Variants in MOXD1 observed in about 807,000 individuals in gnomAD.
MOXD1 encodes the protein DBH-like monooxygenase protein 1.
In MOXD1, 62 loss-of-function variants were observed where a neutral mutation model predicts 66.6. That is an observed-to-expected ratio of 0.93 (90% CI 0.76 to 1.15). The LOEUF is 1.15. MOXD1 is among the 50% of genes most tolerant of loss of function. The pLI, the probability that MOXD1 is intolerant of heterozygous loss-of-function variation, is 0.00. For missense variants in MOXD1, 847 were observed against 754.6 expected (o/e 1.12, Z -1.44); for synonymous variants, 303 against 281.9 (o/e 1.07, Z -0.75).
At chr6:132,353,280 G>GTA (rs985444306) in intron 4 of MOXD1, among the ~76,000 whole-genome samples, 15 of 152,084 alleles carry the variant, frequency 9.9e-5, no homozygotes, top group African/African-American at 3.6e-4. Context: ...GCTTTCAAGA[G>GTA]GTTCTGTTTT....
chr6:132,398,477 C>T (rs1484139845), intron 1 of MOXD1, among the ~76,000 whole-genome samples: 1 of 152,144 alleles, frequency 6.6e-6, no homozygotes, highest in Non-Finnish European at 1.5e-5. Context: ...AGGTTATTAT[C>T]ATACACCCTG....
intron 1 of MOXD1, among the ~76,000 whole-genome samples, chr6:132,375,367 G>A (rs73546098): frequency 2.3e-4 from 35 of 152,290 alleles, no homozygotes; most frequent in African/African-American, 8.2e-4. Flanking sequence ...TGAAAAACTA[G>A]GGAAGTTTTG....
In MOXD1 at chr6:132,401,356, GT is replaced by G; in HGVS notation, c.70del (p.Thr24ProfsTer75). 1 of 1,562,920 alleles carries G rather than the reference GT, an allele frequency of 6.4e-7. No homozygotes were observed. The highest frequency in any genetic ancestry group is 8.6e-7 in the Non-Finnish European group (1 of 1,160,566). ...PGTAAGGSGR[T>X]YPHRTLLDSE... ...GTCCAGGAGGGTCCGGTGCGGATAG[GT>G]TCGGCCCGAGCCCCCCGCCGCCGTC... On this transcript the variant is annotated frameshift_variant, in exon 1 of 12. Transcript: ENST00000367963. LOFTEE classifies it high-confidence loss of function.
intron 10 of MOXD1, among the ~76,000 whole-genome samples, chr6:132,307,547 T>C (rs1354321546): frequency 1.3e-5 from 2 of 152,152 alleles, no homozygotes; most frequent in Non-Finnish European, 2.9e-5. Flanking sequence ...ACTGTCTACC[T>C]GAAATCAACA....
intron 10 of MOXD1, among the ~76,000 whole-genome samples, chr6:132,307,534 C>T (rs184444696): frequency 5.9e-5 from 9 of 152,256 alleles, no homozygotes; most frequent in South Asian, 4.1e-4. Flanking sequence ...AGACGTCTAC[C>T]GAACTGTCTA....
intron 1 of MOXD1, among the ~76,000 whole-genome samples, chr6:132,388,429 A>G (rs1776693408): frequency 2.0e-5 from 3 of 151,584 alleles, no homozygotes; most frequent in Middle Eastern, 6.8e-3. Flanking sequence ...TATTTATTGA[A>G]TATCTGCCAA....
intron 6 of MOXD1, among the ~76,000 whole-genome samples, chr6:132,324,415 AG>A (rs1373534009): frequency 6.6e-6 from 1 of 152,234 alleles, no homozygotes; most frequent in Non-Finnish European, 1.5e-5. Context: ...GACAGAATGA[AG>A]ATTCTAAAGT....
chr6:132,401,126 G>A, intron 1 of MOXD1, 37 bp downstream of exon 1: 5 of 1,464,642 alleles, frequency 3.4e-6, no homozygotes, highest in Non-Finnish European at 4.5e-6. Context: ...ACGGGACCGG[G>A]CTCGGCCGGG....
At chr6:132,345,985 T>C (rs1028729922) in intron 4 of MOXD1, among the ~76,000 whole-genome samples, 1 of 152,126 alleles carries the variant, frequency 6.6e-6, no homozygotes, top group African/African-American at 2.4e-5. Flanking sequence ...TTCTCTGGAT[T>C]ACATTTTGCT....
chr6:132,320,592 C>A, intron 9 of MOXD1, 37 bp downstream of exon 9: 1 of 1,500,354 alleles, frequency 6.7e-7, no homozygotes, highest in Non-Finnish European at 9.1e-7. Flanking sequence ...TCTTTCTCTC[C>A]ATAAATGAAC....
chr6:132,378,612 T>C (rs1776442848), intron 1 of MOXD1, among the ~76,000 whole-genome samples: 1 of 152,172 alleles, frequency 6.6e-6, no homozygotes, highest in South Asian at 2.1e-4. Context: ...AAAAGGTTAA[T>C]AATATTATGC....
At position 132,372,779 on chromosome 6, in the gene MOXD1, TACAC is replaced by T. The variant is rs771700928; in HGVS notation, c.579+47_579+50del. On this transcript the variant is annotated intron_variant, in intron 3 of 11. Transcript: ENST00000367963. Reference sequence around the variant, plus strand: ...AATAATGTAAGCAAAAATGCTCGTATACACTTTCAATAAGCCCATCCCTACAATC... The same window carrying T: ...AATAATGTAAGCAAAAATGCTCGTATTTTCAATAAGCCCATCCCTACAATC... 16 of 1,610,476 alleles carry T rather than the reference TACAC, an allele frequency of 9.9e-6. No individual in the cohort carries two copies. In the South Asian group the frequency reaches 1.5e-4, roughly 15 times the overall value.
chr6:132,372,925 A>C lies in MOXD1; in HGVS notation c.484T>G (p.Ser162Ala). Residue 162 changes from serine to alanine, a missense_variant, in exon 3 of 12, where the codon TCC (serine) becomes GCC (alanine). Ser to Ala is a moderately conservative substitution (Grantham distance 99). Transcript: ENST00000367963. ...AGEAGPKYHD[S>A]NRGTKSLRLL... ...CGCAAACTCTTGGTGCCCCTATTGG[A>C]GTCATGGTACTTGGGACCAGCTTCT... is the stretch of plus-strand genomic sequence containing the variant. 1 of 1,614,040 alleles carries C rather than the reference A, an allele frequency of 6.2e-7. No homozygotes were observed. Among genetic ancestry groups the C allele is most frequent in the Non-Finnish European group, 8.5e-7 (1 of 1,179,942 alleles).
At chr6:132,371,906 T>G (rs1043234166) in intron 4 of MOXD1, among the ~76,000 whole-genome samples, 2 of 152,174 alleles carry the variant, frequency 1.3e-5, no homozygotes, top group East Asian at 1.9e-4. Context: ...CTTGGCCATG[T>G]CTCCCCAATC....
chr6:132,342,322 C>T (rs9385601), intron 4 of MOXD1, among the ~76,000 whole-genome samples: 64,868 of 152,170 alleles, frequency 0.43, 19,843 homozygotes, highest in African/African-American at 0.84. Context: ...TAATCTATTA[C>T]AAAAACTAAA....
chr6:132,323,083 A>T (rs1775113519), intron 7 of MOXD1, among the ~76,000 whole-genome samples: 1 of 152,194 alleles, frequency 6.6e-6, no homozygotes, highest in Admixed American at 6.5e-5. Context: ...TGATGCTTAT[A>T]AGGGGCCTCC....
chr6:132,400,663 A>G (rs1777002034), intron 1 of MOXD1, among the ~76,000 whole-genome samples: 1 of 152,076 alleles, frequency 6.6e-6, no homozygotes, highest in Non-Finnish European at 1.5e-5. Context: ...CTTCTGGAGA[A>G]TGGTGTAGCT....
chr6:132,364,203 G>A (rs1303015082), intron 4 of MOXD1, among the ~76,000 whole-genome samples: 1 of 152,048 alleles, frequency 6.6e-6, no homozygotes, highest in Non-Finnish European at 1.5e-5. Context: ...AAGAACAGGA[G>A]GAAATTAGCT....
At chr6:132,320,497 A>G in intron 9 of MOXD1, 132 bp downstream of exon 9, 1 of 681,838 alleles carries the variant, frequency 1.5e-6, no homozygotes. Flanking sequence ...TGTCACTTTT[A>G]TGATACTTGA....
Sources: gnomAD v4.1 joint callset for allele counts (sites outside exome capture counted in the v4.1 genomes callset) on GRCh38, gnomAD v4.1.1 for gene constraint, MANE v1.5 for transcripts, NCBI Gene and HGNC (gene_info 2026-07-23, HGNC 2026-07-21) for gene names.